Variants in BAZ2B observed in about 807,000 individuals in gnomAD.
BAZ2B encodes bromodomain adjacent to zinc finger domain 2B.
BAZ2B carries 91 observed loss-of-function variants against 246.0 expected under a neutral mutation model. The ratio of observed to expected loss-of-function variants is 0.37; its 90% CI spans 0.31 to 0.44. The LOEUF (loss-of-function observed/expected upper bound fraction) is 0.44, where lower values mean the gene tolerates loss of function less well. Ranked by LOEUF, BAZ2B falls within the 20% of genes least tolerant of loss-of-function variation. The probability of loss-of-function intolerance (pLI) is 1.00; values close to 1 mark genes in which losing one functional copy is unlikely to be tolerated. For synonymous variants in BAZ2B, 855 were observed against 860.0 expected (o/e 0.99, Z 0.10); for missense variants, 2,332 against 2,533.7 (o/e 0.92, Z 1.71).
chr2:159,607,147 G>A (rs999566405), intron 1 of BAZ2B, among the ~76,000 whole-genome samples: 1 of 152,106 alleles, frequency 6.6e-6, no homozygotes, highest in Non-Finnish European at 1.5e-5. Context: ...GAGCCACCAC[G>A]CCTGGCCCTC....
chr2:159,504,752 A>G (rs1307426780), intron 2 of BAZ2B, among the ~76,000 whole-genome samples: 1 of 152,210 alleles, frequency 6.6e-6, no homozygotes, highest in Non-Finnish European at 1.5e-5. Context: ...AATCTCATAA[A>G]AGGCAAATAG....
chr2:159,562,737 G>C (rs2151508419), intron 1 of BAZ2B, among the ~76,000 whole-genome samples: 1 of 152,128 alleles, frequency 6.6e-6, no homozygotes, highest in East Asian at 1.9e-4. Flanking sequence ...GTGAGCTTTG[G>C]GTTAAACCTT....
At chr2:159,350,912 T>TG (rs1450774517) in intron 27 of BAZ2B, among the ~76,000 whole-genome samples, 1 of 49,838 alleles carries the variant, frequency 2.0e-5, no homozygotes, top group East Asian at 7.0e-4. Context: ...TAAAATCCGG[T>TG]GGGGGGAGGG....
chr2:159,613,843 T>C (rs946544618), intron 1 of BAZ2B, among the ~76,000 whole-genome samples: 1 of 152,190 alleles, frequency 6.6e-6, no homozygotes, highest in Non-Finnish European at 1.5e-5. Flanking sequence ...TCAGTCAAGC[T>C]TTCTATATAG....
At chr2:159,397,773 T>A (rs1392134143) in intron 18 of BAZ2B, among the ~76,000 whole-genome samples, 1 of 152,216 alleles carries the variant, frequency 6.6e-6, no homozygotes, top group Admixed American at 6.5e-5. Flanking sequence ...TAATACATTA[T>A]GGTGCAACCC....
chr2:159,382,434 G>A (rs2062099700), intron 25 of BAZ2B, 125 bp downstream of exon 25: 4 of 1,017,950 alleles, frequency 3.9e-6, no homozygotes, highest in Non-Finnish European at 2.8e-6. Context: ...TTTTTCAGAT[G>A]AGGAAACTGA....
At chr2:159,562,690 T>A (rs1345837695) in intron 1 of BAZ2B, among the ~76,000 whole-genome samples, 2 of 152,140 alleles carry the variant, frequency 1.3e-5, no homozygotes, top group East Asian at 3.8e-4. Context: ...TAACTACAAG[T>A]TTTTAGGGAA....
At chr2:159,466,277 C>T (rs1225101876) in intron 3 of BAZ2B, among the ~76,000 whole-genome samples, 4 of 152,162 alleles carry the variant, frequency 2.6e-5, no homozygotes, top group Non-Finnish European at 4.4e-5. Context: ...TGATTATTAC[C>T]AGAGCAATGC....
the BAZ2B span, among the ~76,000 whole-genome samples, chr2:159,683,698 T>TG: frequency 6.6e-6 from 1 of 152,212 alleles, no homozygotes; most frequent in African/African-American, 2.4e-5. Context: ...ATCTGATTCT[T>TG]GTTCCTTTCA....
Position 159,349,826 on chromosome 2 carries a change from G to C in BAZ2B, c.4745C>G (p.Ser1582Cys). ...TGGCTGAGACTGAGGAGTCACCAAA[G>C]AAGCAGTTGACATATCGGCATGAGT... The part of the protein sequence containing the change: ...SLTHADMSTA[S>C]LVTPQSQPPS... Residue 1582 changes from serine to cysteine, a missense_variant, in exon 28 of 37, where the codon TCT becomes TGT. Ser to Cys is a moderately radical substitution (Grantham distance 112). This residue lies in a region of BAZ2B where 676 missense variants were observed against 668.6 expected (regional missense o/e 1.01). Transcript: ENST00000392783. The C allele has an allele frequency of 1.2e-6, 2 of 1,614,196 alleles. No homozygotes were observed. The highest frequency in any genetic ancestry group is 8.5e-7 in the Non-Finnish European group (1 of 1,180,016).
intron 2 of BAZ2B, among the ~76,000 whole-genome samples, chr2:159,532,711 T>C (rs1271513439): frequency 1.3e-5 from 2 of 152,210 alleles, no homozygotes; most frequent in African/African-American, 2.4e-5. Flanking sequence ...ATAAGTGATA[T>C]CTAAGGTCTT....
intron 31 of BAZ2B, among the ~76,000 whole-genome samples, chr2:159,338,280 T>C (rs2066004738): frequency 6.6e-6 from 1 of 152,210 alleles, no homozygotes; most frequent in Admixed American, 6.5e-5. Flanking sequence ...AGGTCTCATG[T>C]TAAGATTCAC....
chr2:159,343,745 G>A (rs753153238), intron 31 of BAZ2B, among the ~76,000 whole-genome samples: 6 of 151,944 alleles, frequency 3.9e-5, no homozygotes, highest in Non-Finnish European at 7.4e-5. Context: ...GAAAAAAAAC[G>A]GCCGGGCGCC....
At chr2:159,446,485 C>T (rs1004485113) in intron 6 of BAZ2B, among the ~76,000 whole-genome samples, 31 of 152,278 alleles carry the variant, frequency 2.0e-4, no homozygotes, top group African/African-American at 7.2e-4. Context: ...TATTTTGGTG[C>T]TTTGCTTCTC....
intron 26 of BAZ2B, among the ~76,000 whole-genome samples, 183 bp from the exon 27 acceptor site, chr2:159,373,372 AT>A (rs1170494328): frequency 6.6e-6 from 1 of 152,262 alleles, no homozygotes; most frequent in East Asian, 1.9e-4. Context: ...GATAGAAATC[AT>A]TTTAAGGATA....
chr2:159,596,282 T>C (rs1285622704), intron 1 of BAZ2B, among the ~76,000 whole-genome samples: 1 of 152,202 alleles, frequency 6.6e-6, no homozygotes, highest in Non-Finnish European at 1.5e-5. Flanking sequence ...TTTTAAGCGC[T>C]TATTTACTGT....
chr2:159,383,560 G>T, intron 24 of BAZ2B, 46 bp downstream of exon 24: 1 of 1,488,392 alleles, frequency 6.7e-7, no homozygotes, highest in Non-Finnish European at 9.3e-7. Flanking sequence ...CTGGGAATTT[G>T]TAGAAAAAGA....
the BAZ2B span, among the ~76,000 whole-genome samples, chr2:159,679,048 G>A: frequency 1.3e-5 from 2 of 152,044 alleles, no homozygotes; most frequent in Admixed American, 1.3e-4. Flanking sequence ...CGAGGCGGGC[G>A]GATCACGAGG....
intron 3 of BAZ2B, among the ~76,000 whole-genome samples, chr2:159,455,774 T>G (rs1317836395): frequency 1.4e-5 from 2 of 146,694 alleles, no homozygotes; most frequent in African/African-American, 4.9e-5. Flanking sequence ...TTTTTTTTTT[T>G]TTTTTTTTTT....
Sources: gnomAD v4.1 joint callset for allele counts (sites outside exome capture counted in the v4.1 genomes callset) on GRCh38, gnomAD v4.1.1 for gene constraint, gnomAD v4.1.1 regional missense constraint, MANE v1.5 for transcripts, NCBI Gene and HGNC (gene_info 2026-07-23, HGNC 2026-07-21) for gene names.